VPS37A: variants seen among roughly 807,000 people sequenced by gnomAD.
VPS37A encodes VPS37A subunit of ESCRT-I.
A neutral mutation model predicts 49.8 loss-of-function variants in VPS37A; 30 were observed. The ratio of observed to expected loss-of-function variants is 0.60; its 90% CI spans 0.45 to 0.82. VPS37A has a LOEUF of 0.82. Ranked by LOEUF, VPS37A falls within the 40% of genes least tolerant of loss-of-function variation. VPS37A has a pLI of 0.00. For missense variants in VPS37A, 593 were observed against 464.4 expected (o/e 1.28, Z -2.55); for synonymous variants, 195 against 160.6 (o/e 1.21, Z -1.62).
intron 1 of VPS37A, among the ~76,000 whole-genome samples, chr8:17,254,608 T>C (rs1359520816): frequency 6.6e-6 from 1 of 152,192 alleles, no homozygotes; most frequent in Non-Finnish European, 1.5e-5. Flanking sequence ...TGTGATTTTT[T>C]TCCTTGTTTA....
At chr8:17,332,619 C>A in the VPS37A span, among the ~76,000 whole-genome samples, 5 of 152,214 alleles carry the variant, frequency 3.3e-5, no homozygotes, top group African/African-American at 1.2e-4. Context: ...GCCGCTGCTG[C>A]TGCCCAGCAT....
downstream of VPS37A, chr8:17,305,835 A>G: frequency 6.2e-7 from 1 of 1,613,746 alleles, no homozygotes; most frequent in Non-Finnish European, 8.5e-7. Flanking sequence ...TTGAATGTGA[A>G]TCAAAAACCT....
intron 1 of VPS37A, among the ~76,000 whole-genome samples, chr8:17,261,037 A>G (rs909531160): frequency 6.6e-6 from 1 of 152,248 alleles, no homozygotes; most frequent in African/African-American, 2.4e-5. Context: ...TTTTTCTGTG[A>G]CTATTTCTTG....
intron 9 of VPS37A, among the ~76,000 whole-genome samples, chr8:17,281,053 A>G (rs1179022785): frequency 6.6e-6 from 1 of 151,994 alleles, no homozygotes; most frequent in African/African-American, 2.4e-5. Flanking sequence ...AAAACATAAA[A>G]TAGACATAAA....
intron 2 of VPS37A, 53 bp from the exon 3 acceptor site, chr8:17,268,205 A>G: frequency 7.8e-7 from 1 of 1,282,314 alleles, no homozygotes; most frequent in Non-Finnish European, 1.1e-6. Flanking sequence ...TTGACCATAT[A>G]ATGTACCTTT....
At chr8:17,300,073 G>A (rs773767458), downstream of VPS37A, 1 of 1,614,140 alleles carries the variant, frequency 6.2e-7, no homozygotes, top group South Asian at 1.1e-5. Flanking sequence ...AGGGCTCCGG[G>A]ATGGAAATGA....
At chr8:17,249,229 A>G (rs1267927218) in intron 1 of VPS37A, among the ~76,000 whole-genome samples, 2 of 152,202 alleles carry the variant, frequency 1.3e-5, no homozygotes, top group African/African-American at 2.4e-5. Context: ...TTGATGTGAA[A>G]TTTATAATTT....
the VPS37A span, among the ~76,000 whole-genome samples, chr8:17,313,581 A>G: frequency 6.6e-6 from 1 of 152,244 alleles, no homozygotes; most frequent in East Asian, 1.9e-4. Context: ...AACCATTTCA[A>G]GTAAGGCTTT....
Position 17,247,365 on chromosome 8 carries a change from T to G in VPS37A, c.121T>G (p.Ser41Ala). ...RLIESLRNSH[S>A]SIAEIQKDVE... is the part of the protein sequence containing the mutation. ...GATCGAGTCCCTCCGGAACTCACAC[T>G]CCAGGTGACTGGTCGCTGCCTCTCC... Residue 41 changes from serine (S) to alanine (A), a missense_variant, in exon 1 of 12, where the codon TCC (serine) becomes GCC (alanine). Transcript: ENST00000324849. 7.4e-7 allele frequency: 1 copy of G among 1,358,500 alleles called. No individual in the cohort carries two copies. Among genetic ancestry groups the G allele is most frequent in the Non-Finnish European group, 9.7e-7 (1 of 1,035,830 alleles). The allele number at this position is 1,358,500 out of a possible 1,614,324, so 84.2% of individuals were successfully genotyped here.
chr8:17,278,839 A>G (rs1397083520), intron 6 of VPS37A, among the ~76,000 whole-genome samples: 1 of 151,928 alleles, frequency 6.6e-6, no homozygotes, highest in African/African-American at 2.4e-5. Flanking sequence ...AAAGCAGTCC[A>G]TTTTCCCTGA....
chr8:17,267,182 A>T (rs181643628), intron 2 of VPS37A, among the ~76,000 whole-genome samples: 3 of 152,308 alleles, frequency 2.0e-5, no homozygotes, highest in Admixed American at 2.0e-4. Context: ...TTACCAAACT[A>T]GTTTTAAAAT....
At chr8:17,268,211 C>T (rs753872508) in intron 2 of VPS37A, 47 bp from the exon 3 acceptor site, 1 of 1,334,830 alleles carries the variant, frequency 7.5e-7, no homozygotes, top group Non-Finnish European at 1.1e-6. Flanking sequence ...ATATAATGTA[C>T]CTTTGTTATC....
chr8:17,324,362 T>C, the VPS37A span, among the ~76,000 whole-genome samples: 1 of 152,138 alleles, frequency 6.6e-6, no homozygotes, highest in Non-Finnish European at 1.5e-5. Flanking sequence ...CCCTACAGGG[T>C]AGATGCACTC....
chr8:17,313,455 A>G, the VPS37A span: 1 of 1,163,682 alleles, frequency 8.6e-7, no homozygotes, highest in Non-Finnish European at 1.3e-6. Flanking sequence ...CTCATTTTAC[A>G]TATGATCATG....
chr8:17,262,284 G>A (rs1454055820), intron 1 of VPS37A, among the ~76,000 whole-genome samples: 2 of 152,128 alleles, frequency 1.3e-5, no homozygotes, highest in Non-Finnish European at 2.9e-5. Flanking sequence ...ATTAAGTGAA[G>A]CCAGCTTGCT....
At chr8:17,248,617 T>C (rs1401318911) in intron 1 of VPS37A, among the ~76,000 whole-genome samples, 3 of 152,178 alleles carry the variant, frequency 2.0e-5, no homozygotes, top group Non-Finnish European at 2.9e-5. Context: ...AGTTAAAAAA[T>C]ATGTATCCTC....
chr8:17,279,706 T>TTA (rs1276771439), intron 6 of VPS37A: 7 of 432,812 alleles, frequency 1.6e-5, no homozygotes, highest in South Asian at 3.4e-5. Context: ...TAAGTTGACT[T>TTA]TATTTTTAAT....
chr8:17,289,903 T>G (rs1241509508), intron 11 of VPS37A, among the ~76,000 whole-genome samples: 1 of 152,234 alleles, frequency 6.6e-6, no homozygotes, highest in Non-Finnish European at 1.5e-5. Flanking sequence ...TAGTTCTCCT[T>G]GAAGAGGTCC....
At chr8:17,252,176 A>G (rs1812042699) in intron 1 of VPS37A, among the ~76,000 whole-genome samples, 1 of 152,030 alleles carries the variant, frequency 6.6e-6, no homozygotes, top group Non-Finnish European at 1.5e-5. Flanking sequence ...TTTCCTTTTT[A>G]TTTATTTATT....
Sources: gnomAD v4.1 joint callset for allele counts (sites outside exome capture counted in the v4.1 genomes callset) on GRCh38, gnomAD v4.1.1 for gene constraint, MANE v1.5 for transcripts, NCBI Gene and HGNC (gene_info 2026-07-23, HGNC 2026-07-21) for gene names.